Variants in TCF12 observed in about 807,000 individuals in gnomAD.
TCF12 encodes transcription factor 12.
In TCF12, 45 loss-of-function variants were observed where a neutral mutation model predicts 86.0. That is an observed-to-expected ratio of 0.52 (90% CI 0.41 to 0.67). The LOEUF (loss-of-function observed/expected upper bound fraction) is 0.67, where lower values mean the gene tolerates loss of function less well. TCF12 is among the 30% of genes least tolerant of loss of function. The pLI, the probability that TCF12 is intolerant of heterozygous loss-of-function variation, is 0.00. For missense variants in TCF12, 881 were observed against 859.9 expected (o/e 1.02, Z -0.31); for synonymous variants, 330 against 299.6 (o/e 1.10, Z -1.05).
intron 19 of TCF12, 162 bp from the exon 20 acceptor site, chr15:57,282,283 G>C (rs1567048253): frequency 1.3e-6 from 1 of 749,912 alleles, no homozygotes. Flanking sequence ...AAATCTGGAG[G>C]CTCAGTTCAA....
At chr15:56,996,122 C>G (rs2063700818) in intron 3 of TCF12, among the ~76,000 whole-genome samples, 1 of 151,984 alleles carries the variant, frequency 6.6e-6, no homozygotes, top group African/African-American at 2.4e-5. Context: ...GCCTTGCATC[C>G]CAGGAATAAA....
intron 3 of TCF12, among the ~76,000 whole-genome samples, chr15:57,015,685 A>C (rs555239275): frequency 7.1e-6 from 1 of 141,396 alleles, no homozygotes; most frequent in Non-Finnish European, 1.6e-5. Context: ...TTTCTTAGAC[A>C]GTTTCTCCAA....
intron 5 of TCF12, among the ~76,000 whole-genome samples, chr15:57,111,251 G>C (rs1224885649): frequency 5.3e-5 from 8 of 152,102 alleles, no homozygotes; most frequent in African/African-American, 1.7e-4. Flanking sequence ...CCAGATCCCA[G>C]TGAGTTTCAA....
intron 19 of TCF12, among the ~76,000 whole-genome samples, chr15:57,278,361 TTGA>T (rs1300318409): frequency 6.6e-6 from 1 of 152,124 alleles, no homozygotes; most frequent in Non-Finnish European, 1.5e-5. Context: ...ATGGAATTAA[TTGA>T]TGATGTGTTC....
At chr15:57,035,046 G>C (rs1321303406) in intron 3 of TCF12, among the ~76,000 whole-genome samples, 3 of 152,012 alleles carry the variant, frequency 2.0e-5, no homozygotes, top group Admixed American at 6.6e-5. Flanking sequence ...AGAAACTAAT[G>C]TTAATAATAT....
chr15:57,149,011 G>C (rs1312103185), intron 5 of TCF12, among the ~76,000 whole-genome samples: 2 of 152,186 alleles, frequency 1.3e-5, no homozygotes, highest in Admixed American at 1.3e-4. Context: ...ATCCCTCGGA[G>C]AAAGAACAGG....
At chr15:56,920,428 C>T (rs1156819499) in intron 2 of TCF12, among the ~76,000 whole-genome samples, 2 of 151,460 alleles carry the variant, frequency 1.3e-5, no homozygotes, top group African/African-American at 2.4e-5. Context: ...GAAAAGTAGT[C>T]CAGAGCTAGA....
At chr15:57,130,253 TG>T (rs1311431540) in intron 5 of TCF12, among the ~76,000 whole-genome samples, 7 of 152,232 alleles carry the variant, frequency 4.6e-5, no homozygotes, top group Non-Finnish European at 1.0e-4. Context: ...TGAAGAACTC[TG>T]GTTTCCAGAT....
At chr15:57,235,125 A>G (rs1370531592) in intron 12 of TCF12, among the ~76,000 whole-genome samples, 2 of 152,260 alleles carry the variant, frequency 1.3e-5, no homozygotes, top group Non-Finnish European at 2.9e-5. Flanking sequence ...CATAGTAGAG[A>G]TGGAGCACAC....
At chr15:56,975,723 A>T (rs542003424) in intron 3 of TCF12, among the ~76,000 whole-genome samples, 16 of 152,240 alleles carry the variant, frequency 1.1e-4, no homozygotes, top group Non-Finnish European at 2.2e-4. Flanking sequence ...CAGATAGCCA[A>T]TTACAAGTAA....
intron 5 of TCF12, among the ~76,000 whole-genome samples, chr15:57,116,833 A>G (rs1382768881): frequency 6.6e-6 from 1 of 152,212 alleles, no homozygotes; most frequent in African/African-American, 2.4e-5. Context: ...CTGAGAAGGA[A>G]GTATTTTGGT....
chr15:57,008,938 T>TA (rs1158589934), intron 3 of TCF12, among the ~76,000 whole-genome samples: 10 of 152,226 alleles, frequency 6.6e-5, no homozygotes, highest in Non-Finnish European at 1.5e-4. Flanking sequence ...TTTGTTTGGA[T>TA]AAGCAAAGTC....
In TCF12 at chr15:56,937,556, T is replaced by C. The variant is rs112494223; in HGVS notation, c.148+16458T>C. Among the ~76,000 whole-genome samples, 12 of 152,114 alleles carry C rather than the reference T, an allele frequency of 7.9e-5. 1 individual carries two copies. The highest frequency in any genetic ancestry group is 2.9e-4 in the African/African-American group (12 of 41,506). On this transcript the variant is annotated intron_variant, in intron 3 of 20. Transcript: ENST00000333725. ...TGGGTGCCCTTTTTCTTTCTTTCTC[T>C]TGTCGGGTTCTCTGGCTAGGACTAT...
chr15:57,025,788 A>G (rs1182933488), intron 3 of TCF12, among the ~76,000 whole-genome samples: 1 of 152,254 alleles, frequency 6.6e-6, no homozygotes, highest in African/African-American at 2.4e-5. Flanking sequence ...GAAACGTAGA[A>G]TGAAACCTTA....
In TCF12 at chr15:57,091,793, T is replaced by C; in HGVS notation, c.227T>C (p.Phe76Ser). The C allele has an allele frequency of 5.0e-6, 8 of 1,613,418 alleles. No homozygotes were observed. Among genetic ancestry groups the C allele is most frequent in the Non-Finnish European group, 6.8e-6 (8 of 1,179,516 alleles). Reference sequence around the variant, plus strand: ...CTGATCTTTTTCTCCCCCTAGGGTTTTACAGACAGCCCTCATTACAGTGAT... The same window carrying C: ...CTGATCTTTTTCTCCCCCTAGGGTTCTACAGACAGCCCTCATTACAGTGAT... The part of the protein sequence containing the change: ...PSPSYDSSRG[F>S]TDSPHYSDHL... Residue 76 changes from phenylalanine to serine, a missense_variant, in exon 5 of 21, where the codon TTT becomes TCT. Physicochemically the swap from Phe to Ser is radical, Grantham distance 155 (BLOSUM62 -2). Transcript: ENST00000333725.
intron 3 of TCF12, among the ~76,000 whole-genome samples, chr15:56,930,619 G>T (rs543090315): frequency 2.6e-5 from 4 of 152,222 alleles, no homozygotes; most frequent in Non-Finnish European, 5.9e-5. Flanking sequence ...TAAAATGATT[G>T]TAACTTTCCA....
intron 3 of TCF12, among the ~76,000 whole-genome samples, chr15:57,038,770 T>C (rs146223800): frequency 7.7e-4 from 117 of 152,292 alleles, no homozygotes; most frequent in African/African-American, 2.8e-3. Flanking sequence ...GAAGGGAATA[T>C]TGGGGAGATC....
chr15:57,197,731 T>C (rs2057341078), intron 7 of TCF12, 42 bp from the exon 8 acceptor site: 2 of 1,593,950 alleles, frequency 1.3e-6, no homozygotes, highest in Middle Eastern at 1.7e-4. Context: ...GATTTTTTTC[T>C]GGTATATTAT....
At chr15:57,281,167 G>A (rs4238322) in intron 19 of TCF12, among the ~76,000 whole-genome samples, 58,651 of 149,276 alleles carry the variant, frequency 0.39, 14,279 homozygotes, top group Non-Finnish European at 0.54. Context: ...GCAGTGGCAC[G>A]ATCACTGCAG....
Sources: gnomAD v4.1 joint callset for allele counts (sites outside exome capture counted in the v4.1 genomes callset) on GRCh38, gnomAD v4.1.1 for gene constraint, MANE v1.5 for transcripts, NCBI Gene and HGNC (gene_info 2026-07-23, HGNC 2026-07-21) for gene names.